WSCD2: variants seen among roughly 807,000 people sequenced by gnomAD.
WSCD2 encodes WSC domain sialate O sulfotransferase 2.
WSCD2 carries 28 observed loss-of-function variants against 55.7 expected under a neutral mutation model. The ratio of observed to expected loss-of-function variants is 0.50; its 90% CI spans 0.37 to 0.69. The LOEUF is 0.69. WSCD2 is among the 30% of genes least tolerant of loss of function. The pLI, the probability that WSCD2 is intolerant of heterozygous loss-of-function variation, is 0.00. For synonymous variants in WSCD2, 301 were observed against 301.9 expected, an observed-to-expected ratio of 1.00 and a Z score of 0.03; for missense variants, 616 against 762.1, an observed-to-expected ratio of 0.81 and a Z score of 2.26.
At chr12:108,213,886 T>C (rs112065213) in intron 4 of WSCD2, among the ~76,000 whole-genome samples, 94 of 152,298 alleles carry the variant, frequency 6.2e-4, no homozygotes, top group African/African-American at 2.2e-3. Context: ...GGGAGCTCCT[T>C]GGCTCCAGCT....
At position 108,153,374 on chromosome 12, in the gene WSCD2, C is replaced by T. The variant is rs114560577; in HGVS notation, c.-552+23448C>T. Among the ~76,000 whole-genome samples the T allele has an allele frequency of 2.5e-3, 375 of 152,304 alleles. 1 individual carries two copies. The highest frequency in any genetic ancestry group is 7.3e-3 in the African/African-American group (305 of 41,554). On this transcript the variant is annotated intron_variant, in intron 1 of 8. Coordinates refer to ENST00000547525, the MANE Select transcript of WSCD2 (RefSeq NM_014653.4). Reference sequence around the variant, plus strand: ...CATGAGCCATCCTGGCAACCTCTGGCGGAGGGTTTTAGACTCAGCCTCCAC... The same window carrying T: ...CATGAGCCATCCTGGCAACCTCTGGTGGAGGGTTTTAGACTCAGCCTCCAC...
chr12:108,224,701 T>G, intron 4 of WSCD2, 38 bp from the exon 5 acceptor site: 2 of 1,598,582 alleles, frequency 1.3e-6, no homozygotes, highest in Non-Finnish European at 1.7e-6. Flanking sequence ...TCTGACTCCT[T>G]GTATATCTGA....
At chr12:108,146,103 G>A (rs925799248) in intron 1 of WSCD2, among the ~76,000 whole-genome samples, 1 of 152,220 alleles carries the variant, frequency 6.6e-6, no homozygotes, top group Non-Finnish European at 1.5e-5. Context: ...GTTACATGGG[G>A]TGTGCATTCA....
In WSCD2 at chr12:108,248,299, G is replaced by A. The variant is rs761210339; in HGVS notation, c.1654G>A (p.Gly552Arg). Residue 552 changes from glycine to arginine, a missense_variant, in exon 9 of 9, where the codon GGG becomes AGG. Transcript: ENST00000547525. The surrounding 1 kb of genome is among the most constrained non-coding windows in gnomAD (Gnocchi z 4.3). ...YIKMVDAALK[G>R]RNLTGVPDDY... ...CAAGATGGTGGATGCAGCCCTCAAA[G>A]GGCGGAACCTAACGGGTGTCCCCGA... 6.2e-6 allele frequency: 10 copies of A among 1,614,162 alleles called. No individual in the cohort carries two copies. In the Admixed American group the frequency reaches 1.5e-4, roughly 24 times the overall value.
At chr12:108,221,458 A>T (rs759825987) in intron 4 of WSCD2, among the ~76,000 whole-genome samples, 3 of 152,178 alleles carry the variant, frequency 2.0e-5, no homozygotes, top group Non-Finnish European at 2.9e-5. Flanking sequence ...CAGGAGGATG[A>T]GGCAGGAAAA....
At chr12:108,150,919 C>T (rs1877931571) in intron 1 of WSCD2, among the ~76,000 whole-genome samples, 1 of 152,058 alleles carries the variant, frequency 6.6e-6, no homozygotes, top group Non-Finnish European at 1.5e-5. Context: ...GCTTCGGTCC[C>T]CACCTCACAA....
Position 108,248,005 on chromosome 12 carries a change from G to T in WSCD2, c.1360G>T (p.Val454Leu), listed in dbSNP as rs781687078. 1.2e-6 allele frequency: 2 copies of T among 1,612,700 alleles called. No individual in the cohort carries two copies. The highest frequency in any genetic ancestry group is 1.1e-5 in the South Asian group (1 of 91,016). Residue 454 changes from valine (V) to leucine (L), a missense_variant, in exon 9 of 9, where the codon GTG becomes TTG. By Grantham distance (32) the Val-to-Leu change is conservative. Transcript: ENST00000547525. This position sits in a 1 kb window ranked among gnomAD's most constrained non-coding sequence, Gnocchi z 4.3. ...TCTCTCTGCAGAGTGGCCAGAGTTC[G>T]TGAGGAACTATGCCCCGTGGTGGGC... ...HWKGKEWPEFVRNYAPWWATH... is the reference protein window; with the variant it reads ...HWKGKEWPEFLRNYAPWWATH...
intron 8 of WSCD2, among the ~76,000 whole-genome samples, chr12:108,245,656 T>C (rs1170869341): frequency 6.6e-6 from 1 of 152,150 alleles, no homozygotes; most frequent in African/African-American, 2.4e-5. Context: ...CACCTGGGCA[T>C]CTCCCCTGAG....
chr12:108,240,569 G>T, intron 8 of WSCD2, 25 bp downstream of exon 8: 1 of 1,565,178 alleles, frequency 6.4e-7, no homozygotes, highest in South Asian at 1.1e-5. Flanking sequence ...AGGAGGGGAG[G>T]GGAGGGGAGG....
intron 1 of WSCD2, among the ~76,000 whole-genome samples, chr12:108,140,946 C>T (rs1876737458): frequency 1.3e-5 from 2 of 152,254 alleles, no homozygotes; most frequent in Non-Finnish European, 2.9e-5. Context: ...TCCCATGCTG[C>T]TTTTCAGCGT....
intron 7 of WSCD2, among the ~76,000 whole-genome samples, chr12:108,233,433 G>C (rs1398330901): frequency 6.6e-6 from 1 of 152,182 alleles, no homozygotes; most frequent in African/African-American, 2.4e-5. Flanking sequence ...CCTAAGTTAG[G>C]TGTCCCAACA....
intron 6 of WSCD2, among the ~76,000 whole-genome samples, chr12:108,228,584 G>T (rs1362005034): frequency 6.6e-6 from 1 of 152,246 alleles, no homozygotes; most frequent in Non-Finnish European, 1.5e-5. Context: ...TGGTAGAGCA[G>T]GTTGAGCATT....
intron 4 of WSCD2, among the ~76,000 whole-genome samples, chr12:108,213,678 TAAAAGAGTGCAC>T (rs767602464): frequency 3.9e-5 from 6 of 151,992 alleles, no homozygotes; most frequent in Non-Finnish European, 8.8e-5. Flanking sequence ...ATTAGGCAAA[TAAAAGAGTGCAC>T]AAAAGCCTGG....
In WSCD2 at chr12:108,248,438, T is replaced by A. The variant is rs1225625120; in HGVS notation, c.*95T>A. 5 of 1,483,262 alleles carry A rather than the reference T, an allele frequency of 3.4e-6. No homozygotes were observed. The highest frequency in any genetic ancestry group is 4.5e-6 in the Non-Finnish European group (5 of 1,116,850). 91.9% of individuals were successfully genotyped at this position (1,483,262 alleles called of 1,614,324 possible). A position where few individuals can be genotyped will look rare whatever the true frequency, so the allele number is the denominator to read the frequency against. ...GTTACCCCCACTCATCTGTCCTCTC[T>A]TTGGTCTGGGGACAATCCCCTTGGC... On this transcript the variant is annotated 3_prime_UTR_variant, in exon 9 of 9. Transcript: ENST00000547525. The surrounding 1 kb of genome is among the most constrained non-coding windows in gnomAD (Gnocchi z 4.3).
chr12:108,210,467 G>A lies in WSCD2; in HGVS notation c.682+162G>A, dbSNP rs1886011528. Among the ~76,000 whole-genome samples the A allele has an allele frequency of 6.6e-6, 1 of 152,148 alleles. No homozygotes were observed. The highest frequency in any genetic ancestry group is 6.5e-5 in the Admixed American group (1 of 15,284). ...CTCACCTCTCCCACTCCCTCACAGA[G>A]CCCTTTGCCCCAGCTCCTTTGAATG... On this transcript the variant is annotated intron_variant, in intron 4 of 8. Coordinates refer to ENST00000547525, the MANE Select transcript of WSCD2 (RefSeq NM_014653.4). This position sits in a 1 kb window ranked among gnomAD's most constrained non-coding sequence, Gnocchi z 4.3.
chr12:108,138,041 GC>G (rs1346727121), intron 1 of WSCD2, among the ~76,000 whole-genome samples: 1 of 152,204 alleles, frequency 6.6e-6, no homozygotes, highest in Non-Finnish European at 1.5e-5. Flanking sequence ...AGCTACAACT[GC>G]TGCAGAAACC....
chr12:108,207,778 A>G (rs1313932378), intron 3 of WSCD2, among the ~76,000 whole-genome samples: 2 of 151,922 alleles, frequency 1.3e-5, no homozygotes, highest in African/African-American at 2.4e-5. Flanking sequence ...ACCCTCTCCA[A>G]TTTGAAAAGG....
intron 1 of WSCD2, among the ~76,000 whole-genome samples, chr12:108,159,460 C>T (rs576842605): frequency 2.0e-5 from 3 of 152,356 alleles, no homozygotes; most frequent in African/African-American, 7.2e-5. Flanking sequence ...TGGGGCTCCA[C>T]AGTACTACAG....
chr12:108,166,921 C>T (rs944527733), intron 1 of WSCD2, among the ~76,000 whole-genome samples: 6 of 151,294 alleles, frequency 4.0e-5, no homozygotes, highest in African/African-American at 1.2e-4. Flanking sequence ...AAGTGATTCT[C>T]CTGCCTCAGC....
Sources: gnomAD v4.1 joint callset for allele counts (sites outside exome capture counted in the v4.1 genomes callset) on GRCh38, gnomAD v4.1.1 for gene constraint, Gnocchi (gnomAD v3.1) non-coding constraint, MANE v1.5 for transcripts, NCBI Gene and HGNC (gene_info 2026-07-23, HGNC 2026-07-21) for gene names.